MCM3AP: variants seen among roughly 807,000 people sequenced by gnomAD.
The protein encoded by MCM3AP is germinal-center associated nuclear protein.
In MCM3AP, 126 loss-of-function variants were observed where a neutral mutation model predicts 184.1. The observed-to-expected ratio is 0.68, with a 90% CI of 0.59 to 0.79. The LOEUF (loss-of-function observed/expected upper bound fraction) is 0.79. Ranked by LOEUF, MCM3AP falls within the 30% of genes least tolerant of loss-of-function variation. The probability of loss-of-function intolerance (pLI) is 0.00; values close to 1 mark genes in which losing one functional copy is unlikely to be tolerated. For missense variants in MCM3AP, 2,496 were observed against 2,479.2 expected, an observed-to-expected ratio of 1.01 and a Z score of -0.14; for synonymous variants, 1,002 against 979.3, an observed-to-expected ratio of 1.02 and a Z score of -0.43.
chr21:46,277,486 C>T (rs372018923), intron 5 of MCM3AP, 41 bp downstream of exon 5: 2 of 1,462,948 alleles, frequency 1.4e-6, no homozygotes, highest in South Asian at 2.9e-5. Flanking sequence ...AAGATGACGA[C>T]CTCACCAGGC....
chr21:46,263,371 T>A (rs1970318593), intron 13 of MCM3AP, among the ~76,000 whole-genome samples: 1 of 151,816 alleles, frequency 6.6e-6, no homozygotes, highest in Non-Finnish European at 1.5e-5. Flanking sequence ...CAATTTAACC[T>A]AGGAGGCAAA....
chr21:46,264,729 C>A (rs1193625199), intron 12 of MCM3AP, among the ~76,000 whole-genome samples: 1 of 152,166 alleles, frequency 6.6e-6, no homozygotes, highest in Non-Finnish European at 1.5e-5. Flanking sequence ...GGGTGCACAG[C>A]CAGAGACCAC....
In MCM3AP at chr21:46,245,018, A is replaced by G; in HGVS notation, c.4827T>C (p.Ile1609=). ...GLASQEPGAI[I]ELFNSVLQFL... ...ACTGCAGCACACTGTTAAACAGCTC[A>G]ATGATGGCGCCAGGCTCCTGAGAAG... Residue 1609 remains isoleucine (I), a synonymous_variant, in exon 23 of 28, where the codon ATT becomes ATC. Coordinates refer to ENST00000291688, the MANE Select transcript of MCM3AP (RefSeq NM_003906.5). 6.2e-7 allele frequency: 1 copy of G among 1,613,398 alleles called. No individual in the cohort carries two copies. Among genetic ancestry groups the G allele is most frequent in the Non-Finnish European group, 8.5e-7 (1 of 1,179,306 alleles).
chr21:46,254,876 G>T, intron 17 of MCM3AP, 32 bp from the exon 18 acceptor site: 1 of 1,564,720 alleles, frequency 6.4e-7, no homozygotes, highest in African/African-American at 1.4e-5. Context: ...CAGTGTCCCC[G>T]CAGGAGCTTA....
chr21:46,272,789 G>C lies in MCM3AP; in HGVS notation c.2237C>G (p.Ser746Cys). ...QQHLCDPLTVSLIEKCTRFHI... is the reference protein window; with the variant it reads ...QQHLCDPLTVCLIEKCTRFHI... ...AAACCGGGTGCACTTCTCAATCAGG[G>C]ACACCGTCAGGGGGTCACAGAGGTG... The change falls in exon 8 of 28, where the codon TCC becomes TGC. Residue 746 changes from serine to cysteine, a missense_variant. Around this residue, in one of 5 missense-constraint regions of MCM3AP, gnomAD observed 105 missense variants for 97.1 expected, o/e 1.08. Transcript: ENST00000291688. 1 of 1,611,068 alleles carries C rather than the reference G, an allele frequency of 6.2e-7. No individual in the cohort carries two copies. Among genetic ancestry groups the C allele is most frequent in the East Asian group, 2.2e-5 (1 of 44,842 alleles).
chr21:46,236,739 A>G (rs1042917444), intron 27 of MCM3AP, 90 bp downstream of exon 27: 1 of 890,268 alleles, frequency 1.1e-6, no homozygotes, highest in Non-Finnish European at 1.7e-6. Flanking sequence ...TCAAAACATC[A>G]TAGGATAAAT....
chr21:46,272,900 C>CT, intron 7 of MCM3AP, 71 bp from the exon 8 acceptor site: 1 of 1,400,914 alleles, frequency 7.1e-7, no homozygotes, highest in Non-Finnish European at 9.7e-7. Context: ...AAGGATCATG[C>CT]TACGACCTCA....
intron 2 of MCM3AP, among the ~76,000 whole-genome samples, chr21:46,281,357 C>T (rs1200600566): frequency 6.6e-6 from 1 of 152,206 alleles, no homozygotes; most frequent in Non-Finnish European, 1.5e-5. Context: ...ATACACATCA[C>T]ACTAGTTAAC....
At chr21:46,244,415 C>T (rs368896569) in intron 23 of MCM3AP, 42 of 205,308 alleles carry the variant, frequency 2.0e-4, no homozygotes, top group African/African-American at 8.6e-4. Flanking sequence ...GCCATGGCTG[C>T]GGCTTGGGGA....
chr21:46,243,896 G>A, intron 23 of MCM3AP, 174 bp from the exon 24 acceptor site: 2 of 650,050 alleles, frequency 3.1e-6, no homozygotes, highest in Non-Finnish European at 5.3e-6. Flanking sequence ...GTCTAGGTGA[G>A]GGATGCAGAC....
chr21:46,242,772 C>T (rs773809228), intron 25 of MCM3AP, 30 bp downstream of exon 25: 2 of 1,582,808 alleles, frequency 1.3e-6, no homozygotes, highest in African/African-American at 1.4e-5. Flanking sequence ...GTTTAGCAAG[C>T]AACAGAAACA....
Position 46,284,280 on chromosome 21 carries a change from G to A in MCM3AP, c.1007C>T (p.Thr336Ile), listed in dbSNP as rs781146440. Residue 336 changes from threonine (T) to isoleucine (I), a missense_variant, in exon 1 of 28, where the codon ACT (threonine) becomes ATT (isoleucine). Physicochemically the swap from Thr to Ile is moderately conservative, Grantham distance 89. Coordinates refer to ENST00000291688, the MANE Select transcript of MCM3AP (RefSeq NM_003906.5). Reference sequence around the variant, plus strand: ...ATCCTGTATCGTCCGACCAAATAAAGTACCTCCCCGGGGTCGATTCAGGCG... The same window carrying A: ...ATCCTGTATCGTCCGACCAAATAAAATACCTCCCCGGGGTCGATTCAGGCG... ...PVRLNRPRGG[T>I]LFGRTIQDVF... is the part of the protein sequence containing the mutation. 3.0e-5 allele frequency: 48 copies of A among 1,614,046 alleles called. No homozygotes were observed. Among genetic ancestry groups the A allele is most frequent in the Admixed American group, 5.0e-5 (3 of 59,998 alleles).
At chr21:46,271,073 A>C (rs191580452) in intron 8 of MCM3AP, among the ~76,000 whole-genome samples, 2 of 152,364 alleles carry the variant, frequency 1.3e-5, no homozygotes, top group Admixed American at 1.3e-4. Context: ...TTGTTTAGAA[A>C]TGAATTGATT....
At position 46,281,107 on chromosome 21, in the gene MCM3AP, C is replaced by T. The variant is rs545654477; in HGVS notation, c.1444-532G>A. Among the ~76,000 whole-genome samples, 14 of 152,068 alleles carry T rather than the reference C, an allele frequency of 9.2e-5. No homozygotes were observed. The East Asian group carries it at 2.7e-3, about 29-fold the overall frequency. On this transcript the variant is annotated intron_variant, in intron 2 of 27. Transcript: ENST00000291688. ...AGGCGTGAGCCACCGCGCCCGGCCC[C>T]TTTTTTTTAATTAACAACTTTGCTT...
chr21:46,264,455 C>T (rs571893827), intron 12 of MCM3AP, among the ~76,000 whole-genome samples: 37 of 152,278 alleles, frequency 2.4e-4, no homozygotes, highest in South Asian at 1.2e-3. Flanking sequence ...CTCCAGTCTA[C>T]GTCAAGCAGC....
At chr21:46,266,343 A>G (rs1265902034) in intron 10 of MCM3AP, 177 bp from the exon 11 acceptor site, 1 of 590,278 alleles carries the variant, frequency 1.7e-6, no homozygotes, top group Non-Finnish European at 2.9e-6. Context: ...GTAGGTCCCT[A>G]GAACCACTAA....
At chr21:46,240,365 G>A (rs1271879242) in intron 26 of MCM3AP, among the ~76,000 whole-genome samples, 2 of 152,120 alleles carry the variant, frequency 1.3e-5, no homozygotes, top group African/African-American at 4.8e-5. Context: ...TCAAATGAAA[G>A]CAAAGGAAAG....
At chr21:46,280,974 T>A (rs1459468245) in intron 2 of MCM3AP, among the ~76,000 whole-genome samples, 3 of 152,156 alleles carry the variant, frequency 2.0e-5, no homozygotes, top group African/African-American at 7.2e-5. Flanking sequence ...CCGGCTAATT[T>A]TTTGTATTTG....
At chr21:46,254,300 T>C (rs967812834) in intron 19 of MCM3AP, 92 bp downstream of exon 19, 9 of 1,389,692 alleles carry the variant, frequency 6.5e-6, no homozygotes, top group African/African-American at 4.3e-5. Flanking sequence ...CGAGTTCCCA[T>C]CACACATAAG....
Sources: gnomAD v4.1 joint callset for allele counts (sites outside exome capture counted in the v4.1 genomes callset) on GRCh38, gnomAD v4.1.1 for gene constraint, gnomAD v4.1.1 regional missense constraint, MANE v1.5 for transcripts, NCBI Gene and HGNC (gene_info 2026-07-23, HGNC 2026-07-21) for gene names.